FBXO2: variants seen among roughly 807,000 people sequenced by gnomAD.
FBXO2 encodes F-box protein 2, also known as F-box only protein 2.
FBXO2 carries 32 observed loss-of-function variants against 38.6 expected under a neutral mutation model. That is an observed-to-expected ratio of 0.83 (90% confidence interval 0.62 to 1.11). The LOEUF (loss-of-function observed/expected upper bound fraction) is 1.11. FBXO2 is among the 50% of genes most tolerant of loss of function. The pLI, the probability that FBXO2 is intolerant of heterozygous loss-of-function variation, is 0.00. For synonymous variants in FBXO2, 189 were observed against 182.9 expected, an observed-to-expected ratio of 1.03 and a Z score of -0.27; for missense variants, 450 against 418.3, an observed-to-expected ratio of 1.08 and a Z score of -0.66.
rs75179987 is a variant in FBXO2, at chr1:11,648,621, G to A, written c.*73C>T. ...GCTTGGGGAAGGTGAGGACGCTATG[G>A]ACTAAGTTAAGGCCTATCTACCCTC... is the stretch of plus-strand genomic sequence containing the variant. On this transcript the variant is annotated 3_prime_UTR_variant, in exon 6 of 6. Coordinates refer to ENST00000354287, the MANE Select transcript of FBXO2 (RefSeq NM_012168.6). The surrounding 1 kb of genome is among the most constrained non-coding windows in gnomAD (Gnocchi z 4.2). 2.9e-3 allele frequency: 4,487 copies of A among 1,571,484 alleles called. 106 individuals carry two copies. The East Asian group carries it at 0.054, about 19-fold the overall frequency.
At chr1:11,654,259 G>T (rs1281011274) in intron 1 of FBXO2, 60 bp downstream of exon 1, 63 of 1,478,974 alleles carry the variant, frequency 4.3e-5, no homozygotes, top group Non-Finnish European at 5.5e-5. Context: ...TCTGTGCAGC[G>T]CTCGCCCGCC....
At chr1:11,652,972 C>T (rs574579089) in intron 1 of FBXO2, among the ~76,000 whole-genome samples, 2 of 152,344 alleles carry the variant, frequency 1.3e-5, no homozygotes, top group East Asian at 3.9e-4. Flanking sequence ...TTGGCCACAT[C>T]TTTATGATGT....
chr1:11,651,843 G>A (rs968769678), intron 1 of FBXO2, among the ~76,000 whole-genome samples: 1 of 152,188 alleles, frequency 6.6e-6, no homozygotes, highest in Non-Finnish European at 1.5e-5. Context: ...GGGATGACAG[G>A]CATGTGCCAC....
chr1:11,649,332 T>G lies in FBXO2; in HGVS notation c.618-107A>C. On this transcript the variant is annotated intron_variant, in intron 4 of 5. Coordinates refer to ENST00000354287, the MANE Select transcript of FBXO2 (RefSeq NM_012168.6). ...ATGGGGATTTCCACAAAAGTCCTCC[T>G]GTGCGCCCAACATCCCTGTCAGCCA... 4 of 963,774 alleles carry G rather than the reference T, an allele frequency of 4.2e-6. No individual in the cohort carries two copies. The South Asian group carries it at 6.5e-5, about 16-fold the overall frequency. The allele number at this position is 963,774 out of a possible 1,614,324, so 59.7% of individuals were successfully genotyped here.
chr1:11,650,815 C>A lies in FBXO2; in HGVS notation c.42G>T (p.Glu14Asp). Residue 14 changes from glutamate to aspartate, a missense_variant, in exon 2 of 6, where the codon GAG becomes GAT. Physicochemically the swap from Glu to Asp is conservative, Grantham distance 45. Transcript: ENST00000354287. ...CTGGCTGCTCCTCCGGGCTTGCCTC[C>A]TCGGGCTGGCCCACGCTCTCTGCAG... ...DGDPESVGQP[E>D]EASPEEQPEE... The A allele has an allele frequency of 6.5e-7, 1 of 1,545,944 alleles. No individual in the cohort carries two copies. Among genetic ancestry groups the A allele is most frequent in the East Asian group, 2.4e-5 (1 of 41,132 alleles).
Position 11,649,071 on chromosome 1 carries a change from G to T in FBXO2, c.756+16C>A, listed in dbSNP as rs1485405218. On this transcript the variant is annotated intron_variant, in intron 5 of 5. Coordinates refer to ENST00000354287, the MANE Select transcript of FBXO2 (RefSeq NM_012168.6). The stretch of plus-strand genomic sequence containing the variant: ...GTCCGTGCCCCACCCCTCCGCCCTG[G>T]GTCCCCCAGGCTCACCTCCATCCAG... 1 of 1,562,370 alleles carries T rather than the reference G, an allele frequency of 6.4e-7. No homozygotes were observed. Among genetic ancestry groups the T allele is most frequent in the South Asian group, 1.2e-5 (1 of 86,694 alleles).
At chr1:11,649,328 C>CT in intron 4 of FBXO2, 103 bp from the exon 5 acceptor site, 1 of 998,464 alleles carries the variant, frequency 1.0e-6, no homozygotes, top group Non-Finnish European at 1.5e-6. Flanking sequence ...CACAAAAGTC[C>CT]TCCTGTGCGC....
At chr1:11,649,254 G>T in intron 4 of FBXO2, 29 bp from the exon 5 acceptor site, 4 of 1,446,190 alleles carry the variant, frequency 2.8e-6, no homozygotes, top group Non-Finnish European at 3.7e-6. Context: ...CGAGGTGGGG[G>T]GCGGGAGGTG....
chr1:11,649,472 G>A (rs902246252), intron 4 of FBXO2: 14 of 592,436 alleles, frequency 2.4e-5, no homozygotes, highest in Non-Finnish European at 4.2e-5. Flanking sequence ...CCCAGCTTGG[G>A]GCCAAAGCCA....
At position 11,649,902 on chromosome 1, in the gene FBXO2, G is replaced by A. The variant is rs747437704; in HGVS notation, c.522-28C>T. The A allele has an allele frequency of 1.5e-5, 25 of 1,613,740 alleles. No individual in the cohort carries two copies. The African/African-American group carries it at 3.2e-4, about 21-fold the overall frequency. ...GGGAGAACTGGAGTTAGGACAGAGCGAACGCTCCCCCCTTCCCACCTCCTC... is the reference window on the plus strand; with the variant it reads ...GGGAGAACTGGAGTTAGGACAGAGCAAACGCTCCCCCCTTCCCACCTCCTC... On this transcript the variant is annotated intron_variant, in intron 3 of 5. Transcript: ENST00000354287.
At position 11,648,549 on chromosome 1, in the gene FBXO2, C is replaced by T; in HGVS notation, c.*145G>A. 4 of 1,184,546 alleles carry T rather than the reference C, an allele frequency of 3.4e-6. No homozygotes were observed. The East Asian group carries it at 7.7e-5, about 23-fold the overall frequency. The allele number at this position is 1,184,546 out of a possible 1,614,324, so 73.4% of individuals were successfully genotyped here. Reference sequence around the variant, plus strand: ...CTATGCCAACAAAACTTCTCTCTCCCTGCTCAGGGGCTGGGATCGGAGCAA... The same window carrying T: ...CTATGCCAACAAAACTTCTCTCTCCTTGCTCAGGGGCTGGGATCGGAGCAA... On this transcript the variant is annotated 3_prime_UTR_variant, in exon 6 of 6. Transcript: ENST00000354287. This position sits in a 1 kb window ranked among gnomAD's most constrained non-coding sequence, Gnocchi z 4.2.
At position 11,649,112 on chromosome 1, in the gene FBXO2, T is replaced by A. The variant is rs780471551; in HGVS notation, c.731A>T (p.Asp244Val). Residue 244 changes from aspartate to valine, a missense_variant, in exon 5 of 6, where the codon GAC becomes GTC. Transcript: ENST00000354287. ...FSSGQVAVPQ[D>V]SDGGGWMEIS... ...CTCCATCCAGCCCCCGCCGTCACTG[T>A]CTTGGGGCACTGCCACCTGCCCGCT... 8.1e-6 allele frequency: 13 copies of A among 1,598,772 alleles called. No homozygotes were observed. The Admixed American group carries it at 2.0e-4, about 25-fold the overall frequency.
rs1034747455 is a variant in FBXO2, at chr1:11,648,925, G to C, written c.757-97C>G. 6.4e-7 allele frequency: 1 copy of C among 1,550,886 alleles called. No individual in the cohort carries two copies. Among genetic ancestry groups the C allele is most frequent in the Non-Finnish European group, 8.8e-7 (1 of 1,137,438 alleles). ...CGACCGACCTGCAGCTCCCCCACTCGGTTTCTCCGCGGTATTCAGAACTCT... is the reference window on the plus strand; with the variant it reads ...CGACCGACCTGCAGCTCCCCCACTCCGTTTCTCCGCGGTATTCAGAACTCT... On this transcript the variant is annotated intron_variant, in intron 5 of 5. Transcript: ENST00000354287. This position sits in a 1 kb window ranked among gnomAD's most constrained non-coding sequence, Gnocchi z 4.2.
Position 11,650,810 on chromosome 1 carries a change from G to A in FBXO2, c.47C>T (p.Ala16Val). 6.5e-7 allele frequency: 1 copy of A among 1,543,634 alleles called. No homozygotes were observed. ...DPESVGQPEE[A>V]SPEEQPEEAS... is the part of the protein sequence containing the mutation. ...CTCCTCTGGCTGCTCCTCCGGGCTT[G>A]CCTCCTCGGGCTGGCCCACGCTCTC... Residue 16 changes from alanine to valine, a missense_variant, in exon 2 of 6, where the codon GCA (alanine) becomes GTA (valine). Physicochemically the swap from Ala to Val is moderately conservative, Grantham distance 64 (BLOSUM62 0). Coordinates refer to ENST00000354287, the MANE Select transcript of FBXO2 (RefSeq NM_012168.6).
At position 11,649,134 on chromosome 1, in the gene FBXO2, C is replaced by G; in HGVS notation, c.709G>C (p.Gly237Arg). 6.3e-7 allele frequency: 1 copy of G among 1,596,064 alleles called. No homozygotes were observed. Among genetic ancestry groups the G allele is most frequent in the Non-Finnish European group, 8.5e-7 (1 of 1,172,238 alleles). Residue 237 changes from glycine to arginine, a missense_variant, in exon 5 of 6, where the codon GGG (glycine) becomes CGG (arginine). By Grantham distance (125) the Gly-to-Arg change is moderately radical. Transcript: ENST00000354287. ...HENVLAEFSS[G>R]QVAVPQDSDG... ...CTGTCTTGGGGCACTGCCACCTGCC[C>G]GCTGCTGAACTCAGCCAGCACGTTC... is the stretch of plus-strand genomic sequence containing the variant.
chr1:11,649,951 G>A lies in FBXO2; in HGVS notation c.515C>T (p.Ser172Phe). ...DESVKKYFAS[S>F]FEWCRKAQVI... Reference sequence around the variant, plus strand: ...TCCACCCCCTTCTCCTTACTCAAAGGAGGAGGCGAAGTACTTCTTGACGCT... The same window carrying A: ...TCCACCCCCTTCTCCTTACTCAAAGAAGGAGGCGAAGTACTTCTTGACGCT... Residue 172 changes from serine to phenylalanine, a missense_variant, in exon 3 of 6, where the codon TCC becomes TTC. Transcript: ENST00000354287. 1 of 1,613,896 alleles carries A rather than the reference G, an allele frequency of 6.2e-7. No homozygotes were observed. Among genetic ancestry groups the A allele is most frequent in the Non-Finnish European group, 8.5e-7 (1 of 1,179,902 alleles).
At position 11,650,554 on chromosome 1, in the gene FBXO2, GCCCTCGGGCACCAGC is replaced by G. The variant is rs1454624108; in HGVS notation, c.288_302del (p.Leu97_Gly101del). On this transcript the variant is annotated inframe_deletion, in exon 2 of 6. Transcript: ENST00000354287. ...AGTGGTCGCGCTCCTCCTCCACGCC[GCCCTCGGGCACCAGC>G]CCCTCCTGCTGGCACTTGAGCAGCC... 4.4e-6 allele frequency: 7 copies of G among 1,596,026 alleles called. No homozygotes were observed. The East Asian group carries it at 1.6e-4, about 36-fold the overall frequency.
chr1:11,648,810 C>CGGTGAAGGTGTGGGAGATCTGGG lies in FBXO2; in HGVS notation c.757-5_774dup (p.Asp259ProfsTer37). On this transcript the variant is annotated frameshift_variant, in exon 6 of 6. Coordinates refer to ENST00000354287, the MANE Select transcript of FBXO2 (RefSeq NM_012168.6). LOFTEE classifies it high-confidence loss of function. This position sits in a 1 kb window ranked among gnomAD's most constrained non-coding sequence, Gnocchi z 4.2. Reference sequence around the variant, plus strand: ...ACGAAGCGGACGCCCGGCCCGTAGTCGGTGAAGGTGTGGGAGATCTGGGGG... The same window carrying CGGTGAAGGTGTGGGAGATCTGGG: ...ACGAAGCGGACGCCCGGCCCGTAGTCGGTGAAGGTGTGGGAGATCTGGGGGTGAAGGTGTGGGAGATCTGGGGG... 6.2e-7 allele frequency: 1 copy of CGGTGAAGGTGTGGGAGATCTGGG among 1,613,668 alleles called. No individual in the cohort carries two copies.
intron 1 of FBXO2, chr1:11,654,115 C>T (rs1278718319): frequency 4.0e-6 from 2 of 498,306 alleles, no homozygotes; most frequent in Non-Finnish European, 6.9e-6. Context: ...TCTCTCCTTG[C>T]CAGTCGCCTC....
Sources: gnomAD v4.1 joint callset for allele counts (sites outside exome capture counted in the v4.1 genomes callset) on GRCh38, gnomAD v4.1.1 for gene constraint, Gnocchi (gnomAD v3.1) non-coding constraint, MANE v1.5 for transcripts, NCBI Gene and HGNC (gene_info 2026-07-23, HGNC 2026-07-21) for gene names.